EDA: variants seen among roughly 807,000 people sequenced by gnomAD.
The protein encoded by EDA is ectodysplasin-A.
EDA carries 2 observed loss-of-function variants against 23.6 expected under a neutral mutation model. The ratio of observed to expected loss-of-function variants is 0.08; its 90% CI spans 0.03 to 0.27. The LOEUF (loss-of-function observed/expected upper bound fraction) is 0.27, where lower values mean the gene tolerates loss of function less well. Among genes scored for constraint, EDA ranks in the 10% least tolerant of loss-of-function variants. The pLI, the probability that EDA is intolerant of heterozygous loss-of-function variation, is 1.00. For synonymous variants in EDA, 131 were observed against 132.0 expected, an observed-to-expected ratio of 0.99 and a Z score of 0.05; for missense variants, 229 against 324.2, an observed-to-expected ratio of 0.71 and a Z score of 2.26.
In EDA at chrX:69,787,500, C is replaced by T. The variant is rs1310328673; in HGVS notation, c.397-169527C>T. Among the ~76,000 whole-genome samples, 4 of 100,707 alleles carry T rather than the reference C, an allele frequency of 4.0e-5. No individual in the cohort carries two copies. The South Asian group carries it at 1.9e-3, about 47-fold the overall frequency. The allele number at this position is 100,707 out of a possible 115,157, so 87.5% of individuals were successfully genotyped here. On this transcript the variant is annotated intron_variant, in intron 1 of 7. Coordinates refer to ENST00000374552, the MANE Select transcript of EDA (RefSeq NM_001399.5). ...AGGGCAGGCCTGGTGGTGACAAAATCTCTCAGCATTTGCTTGTGTGTAAAG... is the reference window on the plus strand; with the variant it reads ...AGGGCAGGCCTGGTGGTGACAAAATTTCTCAGCATTTGCTTGTGTGTAAAG...
At chrX:69,941,063 A>G (rs767898113) in intron 1 of EDA, among the ~76,000 whole-genome samples, 1 of 111,175 alleles carries the variant, frequency 9.0e-6, no homozygotes, top group Non-Finnish European at 1.9e-5. Context: ...TTTAATTTCC[A>G]TGTGTTTGTA....
chrX:69,805,248 G>A (rs2015786978), intron 1 of EDA, among the ~76,000 whole-genome samples: 1 of 111,423 alleles, frequency 9.0e-6, no homozygotes. Flanking sequence ...CTCTGGAGGG[G>A]CCAGAGTAGT....
At chrX:69,682,403 G>T (rs1934395143) in intron 1 of EDA, among the ~76,000 whole-genome samples, 1 of 112,497 alleles carries the variant, frequency 8.9e-6, no homozygotes, top group South Asian at 3.6e-4. Context: ...GGCAATGGCG[G>T]GCGCCCCTCC....
chrX:69,952,903 C>T (rs1490547528), intron 1 of EDA, among the ~76,000 whole-genome samples: 1 of 112,314 alleles, frequency 8.9e-6, no homozygotes, highest in African/African-American at 3.2e-5. Context: ...GGGAGCACAA[C>T]AAGTATGAGG....
chrX:69,829,554 G>A (rs1332093105), intron 1 of EDA, among the ~76,000 whole-genome samples: 2 of 112,253 alleles, frequency 1.8e-5, no homozygotes, highest in African/African-American at 6.5e-5. Context: ...ATCACAGATG[G>A]TTGTTTGCAA....
intron 1 of EDA, among the ~76,000 whole-genome samples, chrX:69,888,891 C>T (rs1383737444): frequency 2.1e-5 from 2 of 93,868 alleles, no homozygotes; most frequent in African/African-American, 3.9e-5. Flanking sequence ...ATAAACATGG[C>T]GGTACAAATA....
intron 1 of EDA, among the ~76,000 whole-genome samples, chrX:69,631,869 G>A (rs1932607962): frequency 9.0e-6 from 1 of 111,457 alleles, no homozygotes; most frequent in African/African-American, 3.3e-5. Flanking sequence ...AGCATTCTGG[G>A]CAGTGGTTAG....
intron 1 of EDA, among the ~76,000 whole-genome samples, chrX:69,837,560 C>G (rs986568492): frequency 8.9e-6 from 1 of 112,211 alleles, no homozygotes; most frequent in Non-Finnish European, 1.9e-5. Flanking sequence ...TTATATTCTT[C>G]AAGACACATA....
chrX:69,677,005 A>T (rs1268058859), intron 1 of EDA, among the ~76,000 whole-genome samples: 1 of 80,250 alleles, frequency 1.2e-5, no homozygotes, highest in African/African-American at 4.8e-5. Context: ...CTGGCCCCAG[A>T]GTGTGATGTT....
intron 1 of EDA, among the ~76,000 whole-genome samples, chrX:69,645,024 C>T (rs1182247820): frequency 1.8e-5 from 2 of 111,218 alleles, no homozygotes; most frequent in Non-Finnish European, 3.8e-5. Flanking sequence ...AGGATTTTTG[C>T]ATTGATGTTC....
chrX:69,774,349 T>C (rs1336960919), intron 1 of EDA, among the ~76,000 whole-genome samples: 1 of 111,504 alleles, frequency 9.0e-6, no homozygotes, highest in Non-Finnish European at 1.9e-5. Context: ...CTTTAGATAA[T>C]CTTGGTCTTC....
chrX:69,621,634 A>G (rs748590418), intron 1 of EDA, among the ~76,000 whole-genome samples: 1 of 112,325 alleles, frequency 8.9e-6, no homozygotes, highest in Non-Finnish European at 1.9e-5. Context: ...TGAACTTTAT[A>G]TAAATGAAAT....
At chrX:69,863,544 T>C (rs377184323) in intron 1 of EDA, among the ~76,000 whole-genome samples, 7 of 25,524 alleles carry the variant, frequency 2.7e-4, no homozygotes, top group South Asian at 1.2e-3. Context: ...TATATATATA[T>C]ACATATATGT....
chrX:70,029,126 G>A (rs2020163062), intron 4 of EDA, among the ~76,000 whole-genome samples: 1 of 112,977 alleles, frequency 8.9e-6, no homozygotes, highest in Non-Finnish European at 1.9e-5. Context: ...ACAAATAGCA[G>A]TGGGCTCTAT....
rs940241540 is a variant in EDA at position 69,790,884 on chromosome X, G to T, written c.397-166143G>T. Among the ~76,000 whole-genome samples the T allele has an allele frequency of 3.7e-5, 4 of 108,316 alleles. No individual in the cohort carries two copies. The Admixed American group carries it at 4.0e-4, about 11-fold the overall frequency. The allele number at this position is 108,316 out of a possible 115,157, so 94.1% of individuals were successfully genotyped here. On this transcript the variant is annotated intron_variant, in intron 1 of 7. Coordinates refer to ENST00000374552, the MANE Select transcript of EDA (RefSeq NM_001399.5). The stretch of plus-strand genomic sequence containing the variant: ...TCACTTAACAAATGCTCTAATTTGT[G>T]TAATCTTTTCACACATATACCCCTC...
intron 1 of EDA, among the ~76,000 whole-genome samples, chrX:69,831,562 G>T (rs1300859838): frequency 8.9e-6 from 1 of 111,863 alleles, no homozygotes; most frequent in Non-Finnish European, 1.9e-5. Flanking sequence ...TAATCCTTTG[G>T]GTATACACCC....
intron 1 of EDA, among the ~76,000 whole-genome samples, chrX:69,686,133 C>T (rs940529538): frequency 5.4e-5 from 6 of 111,819 alleles, no homozygotes; most frequent in South Asian, 3.8e-4. Flanking sequence ...CTCAGCCTCC[C>T]GAGTAGCTGG....
At chrX:69,706,459 A>G (rs1460408497) in intron 1 of EDA, among the ~76,000 whole-genome samples, 3 of 112,046 alleles carry the variant, frequency 2.7e-5, no homozygotes, top group African/African-American at 6.5e-5. Context: ...TCTGATCCAA[A>G]TATGAGTCAC....
intron 1 of EDA, among the ~76,000 whole-genome samples, chrX:69,665,825 G>A (rs963819715): frequency 9.0e-6 from 1 of 111,194 alleles, no homozygotes; most frequent in Admixed American, 9.6e-5. Context: ...ACAAATTTTA[G>A]GATAGTTTTT....
Sources: allele counts gnomAD v4.1 joint callset (sites outside exome capture counted in the v4.1 genomes callset), GRCh38; gene constraint gnomAD v4.1.1; transcripts MANE v1.5; gene names NCBI Gene and HGNC (gene_info 2026-07-23, HGNC 2026-07-21).